Variants in IL1RAPL1 observed in about 807,000 individuals in gnomAD.
The protein encoded by IL1RAPL1 is interleukin 1 receptor accessory protein like 1.
A neutral mutation model predicts 48.4 loss-of-function variants in IL1RAPL1; 3 were observed. That is an observed-to-expected ratio of 0.06 (90% confidence interval 0.03 to 0.16). IL1RAPL1 has a LOEUF of 0.16. Ranked by LOEUF, IL1RAPL1 falls within the 10% of genes least tolerant of loss-of-function variation. The pLI, the probability that IL1RAPL1 is intolerant of heterozygous loss-of-function variation, is 1.00. For synonymous variants in IL1RAPL1, 185 were observed against 187.7 expected (o/e 0.99, Z 0.12); for missense variants, 349 against 530.6 (o/e 0.66, Z 3.36).
intron 1 of IL1RAPL1, among the ~76,000 whole-genome samples, chrX:28,704,857 T>C (rs1601866265): frequency 2.3e-5 from 2 of 87,427 alleles, no homozygotes; most frequent in African/African-American, 1.0e-4. Context: ...AAACTGTGAC[T>C]GGAGCATGAC....
chrX:28,783,853 T>C (rs897607486), intron 1 of IL1RAPL1, among the ~76,000 whole-genome samples: 4 of 111,391 alleles, frequency 3.6e-5, no homozygotes, highest in Non-Finnish European at 5.6e-5. Context: ...CTGAGCACTT[T>C]CCATGGATTC....
At chrX:29,047,804 A>T (rs927362971) in intron 2 of IL1RAPL1, among the ~76,000 whole-genome samples, 1 of 108,364 alleles carries the variant, frequency 9.2e-6, no homozygotes, top group Non-Finnish European at 1.9e-5. Context: ...GCTCACTGCA[A>T]CCTCTGCCTC....
chrX:28,641,712 A>T (rs1256111442), intron 1 of IL1RAPL1, among the ~76,000 whole-genome samples: 1 of 111,622 alleles, frequency 9.0e-6, no homozygotes, highest in Non-Finnish European at 1.9e-5. Context: ...CTATTTCTCC[A>T]TATCCTTTCC....
intron 1 of IL1RAPL1, among the ~76,000 whole-genome samples, chrX:28,641,496 G>C (rs1029681693): frequency 1.8e-5 from 2 of 111,640 alleles, no homozygotes; most frequent in Admixed American, 1.9e-4. Context: ...CCAAGTCTTT[G>C]CTAGTGTGAA....
chrX:29,728,640 GA>G (rs1463165185), intron 6 of IL1RAPL1, among the ~76,000 whole-genome samples: 4 of 112,429 alleles, frequency 3.6e-5, no homozygotes, highest in Non-Finnish European at 5.6e-5. Context: ...GTTTATAGAT[GA>G]AAAATTTAAG....
At chrX:29,038,327 A>T (rs1926772705) in intron 2 of IL1RAPL1, among the ~76,000 whole-genome samples, 1 of 111,926 alleles carries the variant, frequency 8.9e-6, no homozygotes, top group African/African-American at 3.2e-5. Context: ...TCTAATATGT[A>T]CAGGTAGATA....
In IL1RAPL1 at chrX:29,162,195, G is replaced by C. The variant is rs181739460; in HGVS notation, c.83-120743G>C. ...ACACAGGGAGGGGAACATCACACAC[G>C]GGGGCCTGTCTGGGGTTAGGAGACA... On this transcript the variant is annotated intron_variant, in intron 2 of 10. Transcript: ENST00000378993. Among the ~76,000 whole-genome samples, 123 of 110,314 alleles carry C rather than the reference G, an allele frequency of 1.1e-3. 1 individual carries two copies. The highest frequency in any genetic ancestry group is 3.7e-3 in the African/African-American group (113 of 30,318).
chrX:28,707,969 A>G (rs1696849176), intron 1 of IL1RAPL1, among the ~76,000 whole-genome samples: 1 of 111,319 alleles, frequency 9.0e-6, no homozygotes, highest in African/African-American at 3.3e-5. Context: ...TTTCCAAAGC[A>G]TCAAGGTTTA....
At chrX:29,148,256 G>C (rs1929389396) in intron 2 of IL1RAPL1, among the ~76,000 whole-genome samples, 1 of 111,701 alleles carries the variant, frequency 9.0e-6, no homozygotes, top group Admixed American at 9.5e-5. Context: ...GTTTTGGTGA[G>C]TGTTCAGGTT....
At chrX:28,813,144 A>G (rs1389631056) in intron 2 of IL1RAPL1, among the ~76,000 whole-genome samples, 1 of 111,318 alleles carries the variant, frequency 9.0e-6, no homozygotes, top group African/African-American at 3.2e-5. Flanking sequence ...GTTTCTCTCA[A>G]CTGATTTCAG....
At chrX:29,163,066 C>A (rs1307246438) in intron 2 of IL1RAPL1, among the ~76,000 whole-genome samples, 1 of 105,779 alleles carries the variant, frequency 9.5e-6, no homozygotes, top group Non-Finnish European at 1.9e-5. Flanking sequence ...GAGCAAGACT[C>A]CGTCTCAAAA....
chrX:29,396,494 T>C lies in IL1RAPL1; in HGVS notation c.549+50T>C, dbSNP rs370844737. Reference sequence around the variant, plus strand: ...TCCTATTAACAAATTAATTGTGCCTTATATTCTGGGACAAATTGGATAGAA... The same window carrying C: ...TCCTATTAACAAATTAATTGTGCCTCATATTCTGGGACAAATTGGATAGAA... On this transcript the variant is annotated intron_variant, in intron 4 of 10. Transcript: ENST00000378993. 2.5e-4 allele frequency: 268 copies of C among 1,084,183 alleles called. No homozygotes were observed. In the African/African-American group the frequency reaches 4.1e-3, roughly 17 times the overall value. 89.3% of individuals were successfully genotyped at this position (1,084,183 alleles called of 1,213,427 possible).
intron 6 of IL1RAPL1, among the ~76,000 whole-genome samples, chrX:29,832,423 G>T (rs1042524699): frequency 8.1e-5 from 9 of 111,567 alleles, no homozygotes; most frequent in African/African-American, 2.9e-4. Context: ...GGCAAAATTT[G>T]GGGGTGTGAG....
chrX:28,910,298 G>C (rs1923325778), intron 2 of IL1RAPL1, among the ~76,000 whole-genome samples: 1 of 111,230 alleles, frequency 9.0e-6, no homozygotes, highest in East Asian at 2.8e-4. Flanking sequence ...TTCCTTGTTT[G>C]TTATGATTTT....
chrX:29,216,139 C>G (rs1180091965), intron 2 of IL1RAPL1, among the ~76,000 whole-genome samples: 1 of 111,456 alleles, frequency 9.0e-6, no homozygotes, highest in Admixed American at 9.6e-5. Context: ...GGACTTTAGG[C>G]TTATTTGTTT....
At chrX:28,732,029 A>G (rs1935761785) in intron 1 of IL1RAPL1, among the ~76,000 whole-genome samples, 1 of 111,376 alleles carries the variant, frequency 9.0e-6, no homozygotes, top group South Asian at 3.8e-4. Flanking sequence ...AGTCTGAGGC[A>G]GGAAAAAAGG....
chrX:28,958,751 T>TG (rs1459852259), intron 2 of IL1RAPL1, among the ~76,000 whole-genome samples: 2 of 111,658 alleles, frequency 1.8e-5, no homozygotes, highest in Admixed American at 1.9e-4. Flanking sequence ...CAGGAGCAGA[T>TG]GGGGCTGAAT....
At chrX:29,541,057 C>A (rs1180006327) in intron 5 of IL1RAPL1, among the ~76,000 whole-genome samples, 1 of 111,878 alleles carries the variant, frequency 8.9e-6, no homozygotes, top group African/African-American at 3.2e-5. Context: ...TATTTAGAAT[C>A]CATAAGGAAT....
chrX:29,867,247 G>T (rs1931714240), intron 6 of IL1RAPL1, among the ~76,000 whole-genome samples: 1 of 112,036 alleles, frequency 8.9e-6, no homozygotes, highest in South Asian at 3.7e-4. Context: ...CCAGACTTCT[G>T]TGTGCTCTTT....
Sources: allele counts gnomAD v4.1 joint callset (sites outside exome capture counted in the v4.1 genomes callset), GRCh38; gene constraint gnomAD v4.1.1; transcripts MANE v1.5; gene names NCBI Gene and HGNC (gene_info 2026-07-23, HGNC 2026-07-21).